MAP2K5: variants seen among roughly 807,000 people sequenced by gnomAD.
MAP2K5 encodes the protein mitogen-activated protein kinase kinase 5, also known as dual specificity mitogen-activated protein kinase kinase 5.
MAP2K5 carries 49 observed loss-of-function variants against 83.1 expected under a neutral mutation model. The observed-to-expected ratio is 0.59, with a 90% CI of 0.47 to 0.75. The LOEUF is 0.75. Among genes scored for constraint, MAP2K5 ranks in the 30% least tolerant of loss-of-function variants. The probability of loss-of-function intolerance (pLI) is 0.00; values close to 1 mark genes in which losing one functional copy is unlikely to be tolerated. For synonymous variants in MAP2K5, 202 were observed against 191.8 expected, an observed-to-expected ratio of 1.05 and a Z score of -0.44; for missense variants, 457 against 557.5, an observed-to-expected ratio of 0.82 and a Z score of 1.82.
At position 67,658,526 on chromosome 15, in the gene MAP2K5, A is replaced by G. The variant is rs1469982017; in HGVS notation, c.737-27A>G. On this transcript the variant is annotated intron_variant, in intron 11 of 21. Coordinates refer to ENST00000178640, the MANE Select transcript of MAP2K5 (RefSeq NM_145160.3). ...GCATTGTTCTGGTAATTTCATTTGT[A>G]GTAACATGGCATGTTTATCTCTACA... 3 of 1,572,354 alleles carry G rather than the reference A, an allele frequency of 1.9e-6. No individual in the cohort carries two copies. In the African/African-American group the frequency reaches 4.1e-5, roughly 21 times the overall value.
chr15:67,577,691 A>G lies in MAP2K5; in HGVS notation c.253-3063A>G, dbSNP rs1207219415. 6.6e-6 allele frequency among the ~76,000 whole-genome samples: 1 copy of G among 152,176 alleles called. No homozygotes were observed. Among genetic ancestry groups the G allele is most frequent in the Non-Finnish European group, 1.5e-5 (1 of 68,038 alleles). On this transcript the variant is annotated intron_variant, in intron 3 of 21. Transcript: ENST00000178640. The surrounding 1 kb of genome is among the most constrained non-coding windows in gnomAD (Gnocchi z 4.1). Reference sequence around the variant, plus strand: ...GGAAGAGTATATAGAAATGACACTAATAGATCCAGATCTAAAAACAATTTG... The same window carrying G: ...GGAAGAGTATATAGAAATGACACTAGTAGATCCAGATCTAAAAACAATTTG...
chr15:67,600,006 G>T (rs1282243624), intron 7 of MAP2K5, among the ~76,000 whole-genome samples: 1 of 152,000 alleles, frequency 6.6e-6, no homozygotes, highest in Non-Finnish European at 1.5e-5. Context: ...TATATATAAA[G>T]TTACGAAAAT....
chr15:67,800,975 T>A (rs2090695759), intron 21 of MAP2K5, among the ~76,000 whole-genome samples: 1 of 152,124 alleles, frequency 6.6e-6, no homozygotes, highest in African/African-American at 2.4e-5. Flanking sequence ...TTGACCATAG[T>A]TGAGTGTATG....
intron 11 of MAP2K5, among the ~76,000 whole-genome samples, chr15:67,656,386 G>T (rs544969558): frequency 6.7e-6 from 1 of 150,182 alleles, no homozygotes; most frequent in Non-Finnish European, 1.5e-5. Context: ...GTGCAGTGGC[G>T]CAGTCTCTGC....
At chr15:67,663,602 G>C (rs1367298205) in intron 12 of MAP2K5, among the ~76,000 whole-genome samples, 3 of 152,124 alleles carry the variant, frequency 2.0e-5, no homozygotes, top group Non-Finnish European at 4.4e-5. Context: ...GCCAGGCATG[G>C]TGACTCCCAC....
intron 21 of MAP2K5, among the ~76,000 whole-genome samples, chr15:67,798,768 G>A (rs555325613): frequency 8.2e-4 from 125 of 152,276 alleles, no homozygotes; most frequent in African/African-American, 2.8e-3. Context: ...ACTCAGGAAG[G>A]TTGATTGAAA....
At position 67,717,554 on chromosome 15, in the gene MAP2K5, ACTGC is replaced by A. The variant is rs2088857047; in HGVS notation, c.1045-10361_1045-10358del. Among the ~76,000 whole-genome samples, 1 of 152,224 alleles carries A rather than the reference ACTGC, an allele frequency of 6.6e-6. No homozygotes were observed. Among genetic ancestry groups the A allele is most frequent in the Admixed American group, 6.5e-5 (1 of 15,288 alleles). ...AGAGAAAGCATTTCAGTTATTGATT[ACTGC>A]TTAATAACCTACCCAAAATTAGTGG... On this transcript the variant is annotated intron_variant, in intron 16 of 21. Transcript: ENST00000178640. The surrounding 1 kb of genome is among the most constrained non-coding windows in gnomAD (Gnocchi z 4.1).
At position 67,673,641 on chromosome 15, in the gene MAP2K5, A is replaced by G. The variant is rs1448452422; in HGVS notation, c.847+8996A>G. ...TATTTTCTGGATAAAGTGATTCTTA[A>G]ACAAAAGAATTCTTGGAAAGTATTG... On this transcript the variant is annotated intron_variant, in intron 13 of 21. Coordinates refer to ENST00000178640, the MANE Select transcript of MAP2K5 (RefSeq NM_145160.3). Among the ~76,000 whole-genome samples, 4 of 152,172 alleles carry G rather than the reference A, an allele frequency of 2.6e-5. No homozygotes were observed. The East Asian group carries it at 7.7e-4, about 29-fold the overall frequency.
At chr15:67,585,992 A>G (rs375041707) in intron 5 of MAP2K5, 62 bp downstream of exon 5, 59 of 1,435,132 alleles carry the variant, frequency 4.1e-5, no homozygotes, top group Non-Finnish European at 5.5e-5. Flanking sequence ...TGTTCCACTT[A>G]TTGAAATGTC....
At chr15:67,602,688 G>A (rs1207603513) in intron 8 of MAP2K5, among the ~76,000 whole-genome samples, 2 of 152,204 alleles carry the variant, frequency 1.3e-5, no homozygotes, top group African/African-American at 2.4e-5. Flanking sequence ...TTGAGATGGA[G>A]TCTCGCTCTG....
chr15:67,745,802 A>G (rs147360998), intron 17 of MAP2K5, among the ~76,000 whole-genome samples: 26 of 152,364 alleles, frequency 1.7e-4, no homozygotes, highest in African/African-American at 6.0e-4. Context: ...TGCATCATCA[A>G]ATTCTTGTGA....
Position 67,587,011 on chromosome 15 carries a change from A to T in MAP2K5, c.431+98A>T. The T allele has an allele frequency of 8.5e-7, 1 of 1,174,260 alleles. No homozygotes were observed. Among genetic ancestry groups the T allele is most frequent in the Non-Finnish European group, 1.3e-6 (1 of 779,412 alleles). 72.7% of individuals were successfully genotyped at this position (1,174,260 alleles called of 1,614,324 possible). On this transcript the variant is annotated intron_variant, in intron 6 of 21. Coordinates refer to ENST00000178640, the MANE Select transcript of MAP2K5 (RefSeq NM_145160.3). This position sits in a 1 kb window ranked among gnomAD's most constrained non-coding sequence, Gnocchi z 4.8. Reference sequence around the variant, plus strand: ...TAGAAAGAAATTTGACCAGTTAGATAACCTAGCTACGTATTGACCAAAGAG... The same window carrying T: ...TAGAAAGAAATTTGACCAGTTAGATTACCTAGCTACGTATTGACCAAAGAG...
chr15:67,618,179 A>G (rs2086097828), intron 8 of MAP2K5, among the ~76,000 whole-genome samples: 1 of 152,212 alleles, frequency 6.6e-6, no homozygotes, highest in African/African-American at 2.4e-5. Flanking sequence ...ATTTATCCCT[A>G]AGTATTGCTT....
chr15:67,598,806 C>T (rs1212885235), intron 7 of MAP2K5, among the ~76,000 whole-genome samples: 1 of 152,180 alleles, frequency 6.6e-6, no homozygotes, highest in Non-Finnish European at 1.5e-5. Flanking sequence ...TTCCTGCTTA[C>T]TCTTAAACCT....
chr15:67,665,428 T>C lies in MAP2K5; in HGVS notation c.847+783T>C, dbSNP rs139890731. ...GTGCTGTTTAATTTTACACATCTGC[T>C]CATCTTAGCTGTATGTACATTTGGG... On this transcript the variant is annotated intron_variant, in intron 13 of 21. Transcript: ENST00000178640. This position sits in a 1 kb window ranked among gnomAD's most constrained non-coding sequence, Gnocchi z 4.2. Among the ~76,000 whole-genome samples the C allele has an allele frequency of 9.8e-5, 15 of 152,312 alleles. No individual in the cohort carries two copies. In the East Asian group the frequency reaches 2.9e-3, roughly 29 times the overall value.
In MAP2K5 at chr15:67,779,211, AT is replaced by A. The variant is rs1378903599; in HGVS notation, c.1242+6468del. The stretch of plus-strand genomic sequence containing the variant: ...GTAGGGTCCAGCTGACAACCATGGA[AT>A]TTTTTTTTAAGTTCTGAAGGCCATT... On this transcript the variant is annotated intron_variant, in intron 21 of 21. Transcript: ENST00000178640. This position sits in a 1 kb window ranked among gnomAD's most constrained non-coding sequence, Gnocchi z 4.6. Among the ~76,000 whole-genome samples, 1 of 151,700 alleles carries A rather than the reference AT, an allele frequency of 6.6e-6. No homozygotes were observed. Among genetic ancestry groups the A allele is most frequent in the South Asian group, 2.1e-4 (1 of 4,796 alleles).
chr15:67,605,627 C>T (rs1312763189), intron 8 of MAP2K5, among the ~76,000 whole-genome samples: 2 of 152,118 alleles, frequency 1.3e-5, no homozygotes, highest in East Asian at 1.9e-4. Flanking sequence ...TATCATGTGG[C>T]CATTCAGCAG....
chr15:67,633,080 A>G (rs1019242857), intron 9 of MAP2K5, among the ~76,000 whole-genome samples: 6 of 152,326 alleles, frequency 3.9e-5, no homozygotes, highest in South Asian at 2.1e-4. Flanking sequence ...CACTGAATGC[A>G]GCTGTGTCAT....
chr15:67,569,388 GA>G, intron 3 of MAP2K5, among the ~76,000 whole-genome samples: 1 of 152,190 alleles, frequency 6.6e-6, no homozygotes, highest in East Asian at 1.9e-4. Flanking sequence ...AAAAGAATGA[GA>G]AAGGGAAACT....
Sources: gnomAD v4.1 joint callset for allele counts (sites outside exome capture counted in the v4.1 genomes callset) on GRCh38, gnomAD v4.1.1 for gene constraint, Gnocchi (gnomAD v3.1) non-coding constraint, MANE v1.5 for transcripts, NCBI Gene and HGNC (gene_info 2026-07-23, HGNC 2026-07-21) for gene names.